The following MYRIP variants were observed in gnomAD, a reference collection of about 807,000 sequenced individuals.
MYRIP encodes myosin VIIA and Rab interacting protein, also known as rab effector MyRIP.
MYRIP carries 49 observed loss-of-function variants against 98.0 expected under a neutral mutation model. The observed-to-expected ratio is 0.50, with a 90% confidence interval of 0.40 to 0.63. The LOEUF is 0.63. Among genes scored for constraint, MYRIP ranks in the 30% least tolerant of loss-of-function variants. The pLI is 0.00. For missense variants in MYRIP, 1,004 were observed against 1,058.2 expected (o/e 0.95, Z 0.71); for synonymous variants, 404 against 409.5 (o/e 0.99, Z 0.16).
chr3:40,119,250 T>A (rs1949347203), intron 3 of MYRIP, among the ~76,000 whole-genome samples: 1 of 152,158 alleles, frequency 6.6e-6, no homozygotes, highest in African/African-American at 2.4e-5. Flanking sequence ...TGTTGTTTCC[T>A]GACTTTTTAA....
At chr3:40,223,288 AAAAT>A (rs1393188557) in intron 11 of MYRIP, among the ~76,000 whole-genome samples, 1 of 152,252 alleles carries the variant, frequency 6.6e-6, no homozygotes, top group Non-Finnish European at 1.5e-5. Context: ...ATGTTTAGAA[AAAAT>A]AAAAGAGGTG....
intron 1 of MYRIP, among the ~76,000 whole-genome samples, chr3:39,900,542 AT>A (rs34530533): frequency 2.0e-5 from 3 of 151,528 alleles, no homozygotes; most frequent in East Asian, 1.9e-4. Context: ...GTTATAAAGA[AT>A]TTTTTTTTCT....
At chr3:40,071,361 A>G (rs1260244208) in intron 3 of MYRIP, 1 of 203,296 alleles carries the variant, frequency 4.9e-6, no homozygotes, top group East Asian at 1.8e-4. Context: ...AAAACAGGCG[A>G]GCTGAAAATG....
chr3:40,149,945 G>A (rs1367032234), intron 3 of MYRIP, among the ~76,000 whole-genome samples: 1 of 151,942 alleles, frequency 6.6e-6, no homozygotes, highest in African/African-American at 2.4e-5. Context: ...ATTCTTGTTG[G>A]TTTTCTGAAT....
intron 2 of MYRIP, among the ~76,000 whole-genome samples, chr3:39,912,265 G>A (rs1944040600): frequency 6.6e-6 from 1 of 152,288 alleles, no homozygotes; most frequent in South Asian, 2.1e-4. Flanking sequence ...GCTGGATCTG[G>A]CTCTCCAGAT....
chr3:40,073,500 AC>A lies in MYRIP; in HGVS notation c.332+29230del, dbSNP rs1369482580. 3.3e-5 allele frequency among the ~76,000 whole-genome samples: 5 copies of A among 152,240 alleles called. No homozygotes were observed. The East Asian group carries it at 9.7e-4, about 29-fold the overall frequency. On this transcript the variant is annotated intron_variant, in intron 3 of 16. Coordinates refer to ENST00000302541, the MANE Select transcript of MYRIP (RefSeq NM_015460.4). ...GCCGAAGTTTGTAGGATTCTGCCTT[AC>A]TCTCTGTTGATGCGCATGCTGCGGG...
At position 40,061,266 on chromosome 3, in the gene MYRIP, G is replaced by A. The variant is rs1486354747; in HGVS notation, c.332+16995G>A. 2.6e-5 allele frequency among the ~76,000 whole-genome samples: 4 copies of A among 152,234 alleles called. No individual in the cohort carries two copies. In the East Asian group the frequency reaches 7.7e-4, roughly 29 times the overall value. On this transcript the variant is annotated intron_variant, in intron 3 of 16. Coordinates refer to ENST00000302541, the MANE Select transcript of MYRIP (RefSeq NM_015460.4). ...CACCCTCCAGTAGACCCCAGTGTCT[G>A]TTTTTCCCTTCCTCGTGTTCATGAG...
chr3:40,000,170 TA>T (rs540836207), intron 2 of MYRIP, among the ~76,000 whole-genome samples: 227 of 151,114 alleles, frequency 1.5e-3, no homozygotes, highest in African/African-American at 4.9e-3. Flanking sequence ...AAAACTTTAA[TA>T]AAAAAAATTA....
intron 1 of MYRIP, among the ~76,000 whole-genome samples, chr3:39,816,578 T>C (rs1940924300): frequency 6.6e-6 from 1 of 152,202 alleles, no homozygotes; most frequent in Admixed American, 6.5e-5. Flanking sequence ...ATCATAATTA[T>C]ACAATGTAGT....
intron 3 of MYRIP, among the ~76,000 whole-genome samples, chr3:40,149,025 A>G (rs966745369): frequency 2.6e-5 from 4 of 152,208 alleles, no homozygotes; most frequent in African/African-American, 4.8e-5. Context: ...GCAGGCATGT[A>G]GGGACTCCCC....
At chr3:40,113,671 G>A (rs1361015641) in intron 3 of MYRIP, among the ~76,000 whole-genome samples, 1 of 152,008 alleles carries the variant, frequency 6.6e-6, no homozygotes, top group East Asian at 1.9e-4. Flanking sequence ...AGAATATATG[G>A]GAGAGTTTAC....
chr3:40,151,009 T>C, intron 3 of MYRIP, 39 bp from the exon 4 acceptor site: 2 of 1,502,496 alleles, frequency 1.3e-6, no homozygotes, highest in South Asian at 1.3e-5. Context: ...CACCATTTAA[T>C]AATTCTAATT....
At chr3:39,993,777 C>G (rs1946237475) in intron 2 of MYRIP, among the ~76,000 whole-genome samples, 1 of 152,344 alleles carries the variant, frequency 6.6e-6, no homozygotes, top group East Asian at 1.9e-4. Context: ...GATGACCACT[C>G]TGTGAGTAAA....
intron 3 of MYRIP, among the ~76,000 whole-genome samples, chr3:40,143,713 G>C (rs760153800): frequency 6.6e-6 from 1 of 152,094 alleles, no homozygotes; most frequent in Non-Finnish European, 1.5e-5. Context: ...GTGACATTTT[G>C]ATATATATAC....
At chr3:39,896,785 C>T (rs1196448380) in intron 1 of MYRIP, among the ~76,000 whole-genome samples, 1 of 152,100 alleles carries the variant, frequency 6.6e-6, no homozygotes, top group Non-Finnish European at 1.5e-5. Flanking sequence ...AATAGAATAT[C>T]ACTTACGTAC....
In MYRIP at chr3:40,194,420, G is replaced by A. The variant is rs540254497; in HGVS notation, c.1665+3957G>A. On this transcript the variant is annotated intron_variant, in intron 10 of 16. Transcript: ENST00000302541. The stretch of plus-strand genomic sequence containing the variant: ...TTTTGTTCCATTGATCTAGAAGCCC[G>A]ATTCCCTTACAAATACTATTTTATT... Among the ~76,000 whole-genome samples the A allele has an allele frequency of 3.0e-3, 460 of 151,912 alleles. 2 individuals are homozygous for A. The highest frequency in any genetic ancestry group is 5.2e-3 in the Non-Finnish European group (352 of 67,906).
chr3:39,906,749 C>A (rs1312448722), intron 2 of MYRIP, among the ~76,000 whole-genome samples: 2 of 152,172 alleles, frequency 1.3e-5, no homozygotes, highest in East Asian at 3.8e-4. Flanking sequence ...GAGTGTGGGG[C>A]CCTCAGCTGG....
intron 2 of MYRIP, among the ~76,000 whole-genome samples, chr3:39,962,465 TTTC>T (rs148195887): frequency 0.4 from 59,171 of 148,218 alleles, 11,970 homozygotes; most frequent in African/African-American, 0.53. Context: ...TTTTTTTTTT[TTTC>T]CACTTGTTCA....
At chr3:40,230,125 G>A (rs1166129348) in intron 11 of MYRIP, among the ~76,000 whole-genome samples, 1 of 152,042 alleles carries the variant, frequency 6.6e-6, no homozygotes, top group Non-Finnish European at 1.5e-5. Context: ...CTCCTATTGT[G>A]TCAGCTGACT....
Sources: allele counts gnomAD v4.1 joint callset (sites outside exome capture counted in the v4.1 genomes callset), GRCh38; gene constraint gnomAD v4.1.1; transcripts MANE v1.5; gene names NCBI Gene and HGNC (gene_info 2026-07-23, HGNC 2026-07-21).